PTPN4: variants seen among roughly 807,000 people sequenced by gnomAD.
The protein encoded by PTPN4 is tyrosine-protein phosphatase non-receptor type 4.
A neutral mutation model predicts 135.5 loss-of-function variants in PTPN4; 49 were observed. That is an observed-to-expected ratio of 0.36 (90% CI 0.29 to 0.46). The LOEUF (loss-of-function observed/expected upper bound fraction) is 0.46. Among genes scored for constraint, PTPN4 ranks in the 20% least tolerant of loss-of-function variants. The probability of loss-of-function intolerance (pLI) is 1.00; values close to 1 mark genes in which losing one functional copy is unlikely to be tolerated. For synonymous variants in PTPN4, 333 were observed against 369.9 expected (o/e 0.90, Z 1.14); for missense variants, 860 against 1,101.0 (o/e 0.78, Z 3.10).
intron 1 of PTPN4, among the ~76,000 whole-genome samples, chr2:119,779,080 T>C (rs977626440): frequency 5.3e-5 from 8 of 152,192 alleles, no homozygotes; most frequent in African/African-American, 1.7e-4. Flanking sequence ...AGGGTATCAG[T>C]TTTATAGTTC....
intron 10 of PTPN4, among the ~76,000 whole-genome samples, chr2:119,902,974 G>C (rs1482992360): frequency 6.6e-6 from 1 of 152,152 alleles, no homozygotes; most frequent in Non-Finnish European, 1.5e-5. Flanking sequence ...ACATCCTGCA[G>C]TGAGGCCCAG....
chr2:119,896,979 G>A (rs1678333832), intron 9 of PTPN4, among the ~76,000 whole-genome samples: 1 of 152,136 alleles, frequency 6.6e-6, no homozygotes, highest in African/African-American at 2.4e-5. Context: ...GAAGTATAGT[G>A]GTGCAGTCTC....
intron 5 of PTPN4, among the ~76,000 whole-genome samples, chr2:119,878,966 G>T (rs1233665787): frequency 6.6e-6 from 1 of 151,548 alleles, no homozygotes; most frequent in African/African-American, 2.4e-5. Flanking sequence ...GGTGGCAGGC[G>T]CCTGTAGTCC....
chr2:119,778,284 T>A (rs1056040095), intron 1 of PTPN4, among the ~76,000 whole-genome samples: 1 of 152,212 alleles, frequency 6.6e-6, no homozygotes, highest in Non-Finnish European at 1.5e-5. Flanking sequence ...CTAATGTTTC[T>A]AGTACTTAGG....
intron 1 of PTPN4, among the ~76,000 whole-genome samples, chr2:119,801,793 G>T (rs1188645781): frequency 6.6e-6 from 1 of 151,016 alleles, no homozygotes; most frequent in African/African-American, 2.4e-5. Context: ...GAGTGCTTTT[G>T]TAGATTCCTT....
At chr2:119,939,089 T>C (rs1679026653) in intron 15 of PTPN4, among the ~76,000 whole-genome samples, 1 of 152,248 alleles carries the variant, frequency 6.6e-6, no homozygotes, top group Admixed American at 6.5e-5. Flanking sequence ...AAAGAGTTGC[T>C]ATAAGCATAT....
intron 1 of PTPN4, among the ~76,000 whole-genome samples, chr2:119,805,954 C>A (rs1001884115): frequency 4.6e-5 from 7 of 152,074 alleles, no homozygotes; most frequent in Non-Finnish European, 8.8e-5. Flanking sequence ...TCTTTTACCC[C>A]AGAATTTCAT....
chr2:119,811,447 G>A (rs913992831), intron 2 of PTPN4, among the ~76,000 whole-genome samples: 1 of 152,030 alleles, frequency 6.6e-6, no homozygotes, highest in Admixed American at 6.6e-5. Flanking sequence ...TTTCTAAAAA[G>A]CTAAACTTTT....
At chr2:119,974,273 G>A (rs1418301897) in intron 26 of PTPN4, among the ~76,000 whole-genome samples, 2 of 152,032 alleles carry the variant, frequency 1.3e-5, no homozygotes, top group Admixed American at 1.3e-4. Flanking sequence ...GTGCAATGGC[G>A]CAATCTTGGC....
intron 9 of PTPN4, among the ~76,000 whole-genome samples, chr2:119,895,314 T>C (rs1044725323): frequency 6.6e-6 from 1 of 152,224 alleles, no homozygotes; most frequent in African/African-American, 2.4e-5. Flanking sequence ...TAACATGTGA[T>C]AGTAGAGAGG....
At chr2:119,793,306 C>T (rs1478287788) in intron 1 of PTPN4, among the ~76,000 whole-genome samples, 2 of 152,164 alleles carry the variant, frequency 1.3e-5, no homozygotes, top group Admixed American at 6.5e-5. Flanking sequence ...TACCCGTTTT[C>T]AGCAATAAGA....
At chr2:119,859,689 A>G (rs764206880) in intron 2 of PTPN4, among the ~76,000 whole-genome samples, 7 of 152,154 alleles carry the variant, frequency 4.6e-5, no homozygotes, top group Non-Finnish European at 1.5e-5. Flanking sequence ...AAAGTTCAGG[A>G]TATGTTTTCT....
intron 10 of PTPN4, among the ~76,000 whole-genome samples, chr2:119,910,193 C>G (rs1678550713): frequency 6.6e-6 from 1 of 151,988 alleles, no homozygotes; most frequent in Non-Finnish European, 1.5e-5. Flanking sequence ...CAAAAGATTA[C>G]AACTCCTGAG....
At chr2:119,878,392 A>T (rs1678016944) in intron 5 of PTPN4, among the ~76,000 whole-genome samples, 1 of 152,208 alleles carries the variant, frequency 6.6e-6, no homozygotes, top group Admixed American at 6.5e-5. Flanking sequence ...ATTCTCAGAT[A>T]TAAGAATATA....
At chr2:119,857,209 TAGCTGCTTTTCA>T (rs1350554411) in intron 2 of PTPN4, among the ~76,000 whole-genome samples, 1 of 151,612 alleles carries the variant, frequency 6.6e-6, no homozygotes, top group Non-Finnish European at 1.5e-5. Flanking sequence ...GCCTCCCAAG[TAGCTGCTTTTCA>T]AGCTGCTTTT....
At chr2:119,956,802 T>G (rs1182692860) in intron 20 of PTPN4, 42 bp from the exon 21 acceptor site, 6 of 1,578,584 alleles carry the variant, frequency 3.8e-6, no homozygotes, top group Admixed American at 4.2e-5. Context: ...AGAAATTGTT[T>G]ATGGCTTTTG....
intron 22 of PTPN4, among the ~76,000 whole-genome samples, chr2:119,959,341 G>T (rs191520787): frequency 6.6e-6 from 1 of 152,208 alleles, no homozygotes; most frequent in Admixed American, 6.5e-5. Flanking sequence ...AAAGAAAAGT[G>T]CAAATGAAAA....
chr2:119,778,304 G>GTA (rs781589836), intron 1 of PTPN4, among the ~76,000 whole-genome samples: 1 of 152,150 alleles, frequency 6.6e-6, no homozygotes, highest in Non-Finnish European at 1.5e-5. Context: ...GTAATGAACT[G>GTA]TAGATAGGAG....
intron 24 of PTPN4, among the ~76,000 whole-genome samples, chr2:119,965,009 A>G (rs931923749): frequency 6.6e-6 from 1 of 152,156 alleles, no homozygotes; most frequent in East Asian, 1.9e-4. Context: ...CATCTCCCCA[A>G]GGAGATGAGA....
Sources: gnomAD v4.1 joint callset for allele counts (sites outside exome capture counted in the v4.1 genomes callset) on GRCh38, gnomAD v4.1.1 for gene constraint, MANE v1.5 for transcripts, NCBI Gene and HGNC (gene_info 2026-07-23, HGNC 2026-07-21) for gene names.